Variants in TAOK3 observed in about 807,000 individuals in gnomAD.
The protein encoded by TAOK3 is serine/threonine-protein kinase TAO3.
TAOK3 carries 40 observed loss-of-function variants against 120.4 expected under a neutral mutation model. The observed-to-expected ratio is 0.33, with a 90% confidence interval of 0.26 to 0.43. TAOK3 has a LOEUF of 0.43. Among genes scored for constraint, TAOK3 ranks in the 20% least tolerant of loss-of-function variants. TAOK3 has a pLI of 1.00. For synonymous variants in TAOK3, 355 were observed against 387.5 expected (o/e 0.92, Z 0.99); for missense variants, 821 against 1,112.1 (o/e 0.74, Z 3.72).
Position 118,160,401 on chromosome 12 carries a change from TA to T in TAOK3, c.2140-44del. The T allele has an allele frequency of 6.6e-7, 1 of 1,518,064 alleles. No individual in the cohort carries two copies. The highest frequency in any genetic ancestry group is 9.1e-7 in the Non-Finnish European group (1 of 1,098,398). 94.0% of individuals were successfully genotyped at this position (1,518,064 alleles called of 1,614,324 possible). ...CAAAGGAAAAATAAAGGCACATCAG[TA>T]AATACAGAAAGCCTTCTACCATAAT... On this transcript the variant is annotated intron_variant, in intron 18 of 20. Transcript: ENST00000392533. This position sits in a 1 kb window ranked among gnomAD's most constrained non-coding sequence, Gnocchi z 4.2.
chr12:118,180,226 G>A (rs960399719), intron 15 of TAOK3, among the ~76,000 whole-genome samples: 5 of 150,320 alleles, frequency 3.3e-5, no homozygotes, highest in African/African-American at 1.2e-4. Context: ...GGGATTGCAG[G>A]CGTGAGCCAC....
chr12:118,285,908 C>T (rs1298069865), intron 1 of TAOK3, among the ~76,000 whole-genome samples: 2 of 152,056 alleles, frequency 1.3e-5, no homozygotes, highest in Non-Finnish European at 2.9e-5. Context: ...TGGGACAACT[C>T]GAGGCAAAAG....
chr12:118,308,672 G>GT (rs1412692939), intron 1 of TAOK3, among the ~76,000 whole-genome samples: 1 of 152,108 alleles, frequency 6.6e-6, no homozygotes, highest in Non-Finnish European at 1.5e-5. Context: ...GCTCACACCT[G>GT]TAATGGCAGC....
At chr12:118,151,321 G>A (rs1362449900) in intron 20 of TAOK3, among the ~76,000 whole-genome samples, 163 bp from the exon 21 acceptor site, 2 of 145,200 alleles carry the variant, frequency 1.4e-5, no homozygotes, top group African/African-American at 2.6e-5. Flanking sequence ...ACACACACAG[G>A]AACTACGGGA....
At chr12:118,319,472 T>C (rs1267317849) in intron 1 of TAOK3, among the ~76,000 whole-genome samples, 1 of 152,074 alleles carries the variant, frequency 6.6e-6, no homozygotes, top group Non-Finnish European at 1.5e-5. Flanking sequence ...AGAACTGCTA[T>C]AACTTAACAA....
chr12:118,319,676 A>T (rs1034631438), intron 1 of TAOK3, among the ~76,000 whole-genome samples: 3 of 150,564 alleles, frequency 2.0e-5, no homozygotes, highest in Admixed American at 6.6e-5. Context: ...GATTATAATT[A>T]AAAAAAAACC....
intron 11 of TAOK3, among the ~76,000 whole-genome samples, chr12:118,207,345 A>T (rs866524784): frequency 1.2e-3 from 178 of 151,352 alleles, no homozygotes; most frequent in African/African-American, 4.2e-3. Context: ...AAAAAAAAAA[A>T]GAAAGAAAAT....
intron 14 of TAOK3, among the ~76,000 whole-genome samples, chr12:118,184,774 T>C (rs2036971903): frequency 1.3e-5 from 2 of 152,150 alleles, no homozygotes; most frequent in East Asian, 1.9e-4. Context: ...CAGTACCACC[T>C]TGCTCTACCC....
intron 4 of TAOK3, 80 bp downstream of exon 4, chr12:118,244,814 C>G: frequency 9.5e-7 from 1 of 1,048,826 alleles, no homozygotes; most frequent in South Asian, 1.3e-5. Flanking sequence ...AGGCGTGAAC[C>G]ACCGCGCCCG....
chr12:118,216,387 G>A (rs946088486), intron 9 of TAOK3, among the ~76,000 whole-genome samples: 2 of 152,120 alleles, frequency 1.3e-5, no homozygotes, highest in Non-Finnish European at 2.9e-5. Flanking sequence ...TGGTCATTTG[G>A]CATGTGCTCA....
rs2034415477 is a variant in TAOK3, at chr12:118,151,310, C to A, written c.2536-152G>T. ...GCGCGCACACACACACACACACACACACACACACAGGAACTACGGGAGGAC... is the reference window on the plus strand; with the variant it reads ...GCGCGCACACACACACACACACACAAACACACACAGGAACTACGGGAGGAC... On this transcript the variant is annotated intron_variant, in intron 20 of 20. Transcript: ENST00000392533. The A allele has an allele frequency of 4.7e-6, 3 of 632,046 alleles. No individual in the cohort carries two copies. In the East Asian group the frequency reaches 8.3e-5, roughly 18 times the overall value. 39.2% of individuals were successfully genotyped at this position (632,046 alleles called of 1,614,324 possible).
chr12:118,285,323 G>A (rs1355032315), intron 1 of TAOK3, among the ~76,000 whole-genome samples: 4 of 152,148 alleles, frequency 2.6e-5, no homozygotes, highest in Non-Finnish European at 5.9e-5. Flanking sequence ...GATTACAGGC[G>A]TGAGCCACTG....
chr12:118,327,565 CTG>C (rs1193927232), intron 1 of TAOK3, among the ~76,000 whole-genome samples: 2 of 152,114 alleles, frequency 1.3e-5, no homozygotes, highest in African/African-American at 2.4e-5. Flanking sequence ...TAAAATCAAT[CTG>C]TGTTAGACAG....
At chr12:118,206,879 G>A (rs554157748) in intron 11 of TAOK3, among the ~76,000 whole-genome samples, 1 of 152,086 alleles carries the variant, frequency 6.6e-6, no homozygotes, top group Non-Finnish European at 1.5e-5. Context: ...ACAGGCGTGA[G>A]CCACTGCACC....
At chr12:118,188,997 C>G (rs2037252760) in intron 14 of TAOK3, among the ~76,000 whole-genome samples, 3 of 152,266 alleles carry the variant, frequency 2.0e-5, no homozygotes, top group South Asian at 4.1e-4. Context: ...GGCATGAAAA[C>G]TAACTCTTCC....
intron 1 of TAOK3, among the ~76,000 whole-genome samples, chr12:118,341,993 T>C (rs918509471): frequency 1.3e-5 from 2 of 152,180 alleles, no homozygotes; most frequent in Non-Finnish European, 2.9e-5. Flanking sequence ...ACTGCACTAC[T>C]GCCTGGACAA....
At chr12:118,286,205 G>C (rs533821065) in intron 1 of TAOK3, among the ~76,000 whole-genome samples, 66 of 152,218 alleles carry the variant, frequency 4.3e-4, no homozygotes, top group Middle Eastern at 3.4e-3. Context: ...ATCTAAGAGA[G>C]GCTCAAGGAG....
rs368971905 is a variant in TAOK3, at chr12:118,278,103, T to C, written c.-193-11344A>G. Among the ~76,000 whole-genome samples the C allele has an allele frequency of 2.6e-5, 4 of 152,258 alleles. No homozygotes were observed. The East Asian group carries it at 5.8e-4, about 22-fold the overall frequency. On this transcript the variant is annotated intron_variant, in intron 1 of 20. Coordinates refer to ENST00000392533, the MANE Select transcript of TAOK3 (RefSeq NM_016281.4). ...AAAAGCCTATTTATAAAAGGGATTT[T>C]TTTTTTTGCACCCAGCAATAAAAAA... is the stretch of plus-strand genomic sequence containing the variant.
chr12:118,310,230 G>A (rs1224985069), intron 1 of TAOK3, among the ~76,000 whole-genome samples: 1 of 152,236 alleles, frequency 6.6e-6, no homozygotes, highest in Non-Finnish European at 1.5e-5. Context: ...GTTGCAGTGA[G>A]CCGTGATCGT....
Sources: allele counts gnomAD v4.1 joint callset (sites outside exome capture counted in the v4.1 genomes callset), GRCh38; gene constraint gnomAD v4.1.1; non-coding constraint Gnocchi (gnomAD v3.1); transcripts MANE v1.5; gene names NCBI Gene and HGNC (gene_info 2026-07-23, HGNC 2026-07-21).